Variants in WDR5 observed in about 807,000 individuals in gnomAD.
WDR5 encodes the protein WD repeat-containing protein 5.
For missense variants in WDR5, 187 were observed against 416.9 expected (o/e 0.45, Z 4.80); for synonymous variants, 144 against 161.6 (o/e 0.89, Z 0.83).
intron 9 of WDR5, among the ~76,000 whole-genome samples, chr9:134,154,241 A>G (rs1832642773): frequency 1.3e-5 from 2 of 151,986 alleles, no homozygotes; most frequent in Admixed American, 6.5e-5. Context: ...TCCTGGTGTC[A>G]AGGGGCCCCC....
chr9:134,158,616 C>G lies in WDR5; in HGVS notation c.*623C>G, dbSNP rs1184376894. On this transcript the variant is annotated 3_prime_UTR_variant, in exon 14 of 14. Coordinates refer to ENST00000358625, the MANE Select transcript of WDR5 (RefSeq NM_017588.3). ...GATAGCACGGTCATCGCACATGACTCTCCCGTTTGTCTCAGTGTCCCTGCA... is the reference window on the plus strand; with the variant it reads ...GATAGCACGGTCATCGCACATGACTGTCCCGTTTGTCTCAGTGTCCCTGCA... The G allele has an allele frequency of 6.6e-6, 1 of 152,218 alleles. No individual in the cohort carries two copies. 9.4% of individuals were successfully genotyped at this position (152,218 alleles called of 1,614,324 possible). A position where few individuals can be genotyped will look rare whatever the true frequency, so the allele number is the denominator to read the frequency against.
intron 3 of WDR5, 104 bp downstream of exon 3, chr9:134,140,915 G>C (rs914906450): frequency 3.7e-5 from 40 of 1,086,940 alleles, no homozygotes; most frequent in Middle Eastern, 2.1e-4. Flanking sequence ...CTGGGGAGAC[G>C]TAGCAGGCCG....
intron 5 of WDR5, 23 bp from the exon 6 acceptor site, chr9:134,142,310 A>G: frequency 1.2e-6 from 2 of 1,607,126 alleles, no homozygotes; most frequent in East Asian, 2.2e-5. Flanking sequence ...CACTGGAATA[A>G]TCCTAATAAT....
At chr9:134,156,739 A>G (rs1322115600) in intron 13 of WDR5, 146 bp downstream of exon 13, 1 of 749,354 alleles carries the variant, frequency 1.3e-6, no homozygotes. Flanking sequence ...ACCGCTGCTA[A>G]GAGCTCTTGC....
Position 134,151,913 on chromosome 9 carries a change from C to T in WDR5, c.585-70C>T. ...AGCGTGCTAGTCCTAAAATTTATAT[C>T]TGACTCCCAGCAGCCCGCGTGAGAT... On this transcript the variant is annotated intron_variant, in intron 8 of 13. Coordinates refer to ENST00000358625, the MANE Select transcript of WDR5 (RefSeq NM_017588.3). 2.0e-6 allele frequency: 3 copies of T among 1,510,620 alleles called. No homozygotes were observed. The South Asian group carries it at 3.7e-5, about 18-fold the overall frequency. 93.6% of individuals were successfully genotyped at this position (1,510,620 alleles called of 1,614,324 possible). A position where few individuals can be genotyped will look rare whatever the true frequency, so the allele number is the denominator to read the frequency against.
chr9:134,136,702 G>A (rs891546170), intron 1 of WDR5, among the ~76,000 whole-genome samples: 2 of 152,140 alleles, frequency 1.3e-5, no homozygotes, highest in Non-Finnish European at 2.9e-5. Flanking sequence ...CGGGTCCTCG[G>A]TCCTGAACGG....
At chr9:134,156,788 C>T (rs916194999) in intron 13 of WDR5, among the ~76,000 whole-genome samples, 195 bp downstream of exon 13, 2 of 152,218 alleles carry the variant, frequency 1.3e-5, no homozygotes, top group African/African-American at 2.4e-5. Flanking sequence ...CCGACTCAGA[C>T]CCGGGCTCCT....
In WDR5 at chr9:134,145,098, T is replaced by TTTTTGTTTTTTG. The variant is rs1401305757; in HGVS notation, c.528+2383_528+2384insGTTTTTTGTTTT. On this transcript the variant is annotated intron_variant, in intron 7 of 13. Transcript: ENST00000358625. ...TGCAGAGAGGTTTGTGGGGCTTTGT[T>TTTTTGTTTTTTG]TTTTTTTTTTTTTTTTTTGAAACAG... Among the ~76,000 whole-genome samples the TTTTTGTTTTTTG allele has an allele frequency of 2.5e-4, 28 of 111,172 alleles. 1 individual carries two copies. The highest frequency in any genetic ancestry group is 4.1e-3 in the Middle Eastern group (1 of 242). The allele number at this position is 111,172 out of a possible 152,430, so 72.9% of individuals were successfully genotyped here.
At chr9:134,138,015 T>C (rs1016120750) in intron 1 of WDR5, among the ~76,000 whole-genome samples, 1 of 152,214 alleles carries the variant, frequency 6.6e-6, no homozygotes, top group Non-Finnish European at 1.5e-5. Flanking sequence ...GTGCTGAGAT[T>C]ACAGGCGTCA....
At chr9:134,145,038 C>A (rs903652845) in intron 7 of WDR5, among the ~76,000 whole-genome samples, 1 of 151,620 alleles carries the variant, frequency 6.6e-6, no homozygotes, top group Admixed American at 6.6e-5. Context: ...GTAGCTGTCT[C>A]CACTCCACAG....
In WDR5 at chr9:134,151,281, C is replaced by G. The variant is rs1432586022; in HGVS notation, c.585-702C>G. Among the ~76,000 whole-genome samples the G allele has an allele frequency of 2.6e-5, 4 of 152,068 alleles. No individual in the cohort carries two copies. In the South Asian group the frequency reaches 8.3e-4, roughly 32 times the overall value. ...GGTGGGTGTGCAGAGCAGAGAGCTT[C>G]GGGGCCCTCCCAGAGGCGGCTTCTC... On this transcript the variant is annotated intron_variant, in intron 8 of 13. Coordinates refer to ENST00000358625, the MANE Select transcript of WDR5 (RefSeq NM_017588.3).
intron 12 of WDR5, 125 bp from the exon 13 acceptor site, chr9:134,156,381 T>C: frequency 1.1e-6 from 1 of 939,210 alleles, no homozygotes; most frequent in East Asian, 2.5e-5. Context: ...TTGGTTGAGT[T>C]CAGCGAGGCA....
chr9:134,140,959 C>T (rs1831855999), intron 3 of WDR5, 148 bp downstream of exon 3: 1 of 740,146 alleles, frequency 1.4e-6, no homozygotes, highest in Non-Finnish European at 2.3e-6. Flanking sequence ...TGTGTCTCCT[C>T]CTGGAACTGT....
Position 134,139,929 on chromosome 9 carries a change from A to G in WDR5, c.52A>G (p.Thr18Ala). ...GACCGAGGCCGCCAGAGCACAGCCA[A>G]CCCCTTCGTCATCCGCCACTCAGAG... is the stretch of plus-strand genomic sequence containing the variant. ...PETEAARAQP[T>A]PSSSATQSKP... The change falls in exon 2 of 14, where the codon ACC becomes GCC. Residue 18 changes from threonine to alanine, a missense_variant. Thr to Ala is a moderately conservative substitution (Grantham distance 58, BLOSUM62 0). Coordinates refer to ENST00000358625, the MANE Select transcript of WDR5 (RefSeq NM_017588.3). 6.2e-7 allele frequency: 1 copy of G among 1,613,140 alleles called. No individual in the cohort carries two copies. Among genetic ancestry groups the G allele is most frequent in the South Asian group, 1.1e-5 (1 of 91,054 alleles).
chr9:134,156,618 A>G, intron 13 of WDR5, 25 bp downstream of exon 13: 12 of 1,611,996 alleles, frequency 7.4e-6, no homozygotes, highest in Non-Finnish European at 9.3e-6. Context: ...TCCTGCAGTC[A>G]CTGGCTGCCT....
At chr9:134,141,827 T>C in intron 4 of WDR5, 122 bp from the exon 5 acceptor site, 1 of 1,052,752 alleles carries the variant, frequency 9.5e-7, no homozygotes, top group Non-Finnish European at 1.4e-6. Context: ...CGTGTGTCTT[T>C]TGTAAGGTTA....
chr9:134,137,955 C>G (rs1218028438), intron 1 of WDR5, among the ~76,000 whole-genome samples: 1 of 152,170 alleles, frequency 6.6e-6, no homozygotes, highest in Non-Finnish European at 1.5e-5. Context: ...GCTGGTCAGG[C>G]TGGTCTTGAA....
At chr9:134,152,194 G>A (rs1177851764) in intron 9 of WDR5, among the ~76,000 whole-genome samples, 165 bp downstream of exon 9, 3 of 152,214 alleles carry the variant, frequency 2.0e-5, no homozygotes, top group Non-Finnish European at 4.4e-5. Context: ...CCCCCTGACC[G>A]CCCGCTGGCT....
intron 9 of WDR5, among the ~76,000 whole-genome samples, chr9:134,153,247 G>A (rs977562333): frequency 6.6e-6 from 1 of 152,202 alleles, no homozygotes; most frequent in Non-Finnish European, 1.5e-5. Flanking sequence ...CCTGCATAGA[G>A]GCTCATTCAC....
Sources: gnomAD v4.1 joint callset for allele counts (sites outside exome capture counted in the v4.1 genomes callset) on GRCh38, gnomAD v4.1.1 for gene constraint, MANE v1.5 for transcripts, NCBI Gene and HGNC (gene_info 2026-07-23, HGNC 2026-07-21) for gene names.